ZFPM2: variants seen among roughly 807,000 people sequenced by gnomAD.
ZFPM2 encodes the protein zinc finger protein, FOG family member 2.
Under a neutral mutation model 98.6 loss-of-function variants are expected in ZFPM2, and 20 were observed. The ratio of observed to expected loss-of-function variants is 0.20; its 90% CI spans 0.14 to 0.29. The LOEUF is 0.29. ZFPM2 is among the 10% of genes least tolerant of loss of function. The pLI, the probability that ZFPM2 is intolerant of heterozygous loss-of-function variation, is 1.00. For missense variants in ZFPM2, 1,310 were observed against 1,388.6 expected (o/e 0.94, Z 0.90); for synonymous variants, 518 against 502.7 (o/e 1.03, Z -0.41).
intron 3 of ZFPM2, among the ~76,000 whole-genome samples, chr8:105,508,948 GT>G (rs1813758920): frequency 6.6e-6 from 1 of 151,978 alleles, no homozygotes; most frequent in Admixed American, 6.5e-5. Context: ...GCAGAAAAGA[GT>G]TTGTGAAGTG....
chr8:105,545,841 AT>A (rs951335495), intron 3 of ZFPM2, among the ~76,000 whole-genome samples: 2 of 151,518 alleles, frequency 1.3e-5, no homozygotes, highest in African/African-American at 2.4e-5. Context: ...TTGTGCAAGT[AT>A]TTTTTTTTAC....
At chr8:105,597,869 G>A (rs917616799) in intron 4 of ZFPM2, among the ~76,000 whole-genome samples, 1 of 151,870 alleles carries the variant, frequency 6.6e-6, no homozygotes, top group Non-Finnish European at 1.5e-5. Flanking sequence ...ACATTATATA[G>A]GACTATTAAT....
chr8:105,729,023 G>A (rs1254351299), intron 5 of ZFPM2, among the ~76,000 whole-genome samples: 1 of 151,586 alleles, frequency 6.6e-6, no homozygotes, highest in Non-Finnish European at 1.5e-5. Context: ...TATTAAGATG[G>A]TTTTCAGGAG....
intron 5 of ZFPM2, among the ~76,000 whole-genome samples, chr8:105,655,541 A>G (rs1586177371): frequency 6.6e-6 from 1 of 152,130 alleles, no homozygotes. Flanking sequence ...TGTTGCATGG[A>G]GTCTTAACAT....
At chr8:105,723,715 A>T (rs1325970573) in intron 5 of ZFPM2, among the ~76,000 whole-genome samples, 1 of 151,836 alleles carries the variant, frequency 6.6e-6, no homozygotes, top group East Asian at 2.0e-4. Flanking sequence ...TTTATAGATA[A>T]GGGCAGTCGT....
At chr8:105,596,717 T>C (rs1324368524) in intron 4 of ZFPM2, among the ~76,000 whole-genome samples, 1 of 149,908 alleles carries the variant, frequency 6.7e-6, no homozygotes, top group Non-Finnish European at 1.5e-5. Context: ...AGGAGGTCTC[T>C]GGGTAAGGCT....
chr8:105,710,099 T>TG (rs1811347240), intron 5 of ZFPM2, among the ~76,000 whole-genome samples: 4 of 152,204 alleles, frequency 2.6e-5, no homozygotes, highest in Admixed American at 2.6e-4. Context: ...ATCCTTTTTT[T>TG]TTTTTCATGA....
At chr8:105,479,687 C>G (rs772254140) in intron 3 of ZFPM2, among the ~76,000 whole-genome samples, 16 of 152,084 alleles carry the variant, frequency 1.1e-4, no homozygotes, top group Admixed American at 7.9e-4. Flanking sequence ...TGGCTTGTTA[C>G]TGGAAGTGAA....
intron 5 of ZFPM2, among the ~76,000 whole-genome samples, chr8:105,716,617 C>T (rs1395947802): frequency 6.6e-6 from 1 of 151,928 alleles, no homozygotes; most frequent in Non-Finnish European, 1.5e-5. Context: ...AGACCATGTG[C>T]TCTTATTATC....
At chr8:105,509,118 A>G (rs1199853011) in intron 3 of ZFPM2, among the ~76,000 whole-genome samples, 1 of 152,212 alleles carries the variant, frequency 6.6e-6, no homozygotes, top group Non-Finnish European at 1.5e-5. Context: ...AGGAGACTTT[A>G]TAAATATGTA....
intron 5 of ZFPM2, among the ~76,000 whole-genome samples, chr8:105,751,530 C>T (rs1243933051): frequency 1.3e-5 from 2 of 152,034 alleles, no homozygotes; most frequent in Admixed American, 1.3e-4. Context: ...GGAACACATA[C>T]TGTGGAGTCA....
rs1458419671 is a variant in ZFPM2, at chr8:105,512,162, C to T, written c.302-49201C>T. Among the ~76,000 whole-genome samples, 4 of 152,214 alleles carry T rather than the reference C, an allele frequency of 2.6e-5. No homozygotes were observed. The East Asian group carries it at 5.8e-4, about 22-fold the overall frequency. The stretch of plus-strand genomic sequence containing the variant: ...TCTGTCTCAAGAAAAGAAGGCACAA[C>T]AAATGTATATTCTTGAAATGAGCTG... On this transcript the variant is annotated intron_variant, in intron 3 of 7. Transcript: ENST00000407775.
In ZFPM2 at chr8:105,802,716, G is replaced by A. The variant is rs1195696764; in HGVS notation, c.2634G>A (p.Pro878=). The A allele has an allele frequency of 7.4e-6, 12 of 1,612,610 alleles. No individual in the cohort carries two copies. Among genetic ancestry groups the A allele is most frequent in the East Asian group, 2.2e-5 (1 of 44,794 alleles). Reference sequence around the variant, plus strand: ...TGGCCCACAAGCAGAATTTCTGCCCGGTTACTGCACATCAGCGTAATGACC... The same window carrying A: ...TGGCCCACAAGCAGAATTTCTGCCCAGTTACTGCACATCAGCGTAATGACC... ...NYLAHKQNFC[P]VTAHQRNDLG... is the part of the protein sequence containing the mutation. The change falls in exon 8 of 8, where the codon CCG becomes CCA. Residue 878 remains proline (P), a synonymous_variant. Coordinates refer to ENST00000407775, the MANE Select transcript of ZFPM2 (RefSeq NM_012082.4).
intron 5 of ZFPM2, among the ~76,000 whole-genome samples, chr8:105,781,372 T>TAGTA (rs1221553460): frequency 2.6e-5 from 4 of 152,192 alleles, no homozygotes; most frequent in Non-Finnish European, 5.9e-5. Context: ...GCCTGGCACA[T>TAGTA]AGTAAGTGCT....
At chr8:105,347,638 A>G (rs1812563503) in intron 1 of ZFPM2, among the ~76,000 whole-genome samples, 1 of 152,160 alleles carries the variant, frequency 6.6e-6, no homozygotes. Flanking sequence ...GGCATGTGAC[A>G]TACCTTTACT....
Position 105,605,363 on chromosome 8 carries a change from A to G in ZFPM2, c.421-28883A>G, listed in dbSNP as rs553690471. On this transcript the variant is annotated intron_variant, in intron 4 of 7. Transcript: ENST00000407775. Reference sequence around the variant, plus strand: ...GTAATACACATTTACATTATGCAATATTTGAAATAGAATGGAATTTAATTA... The same window carrying G: ...GTAATACACATTTACATTATGCAATGTTTGAAATAGAATGGAATTTAATTA... 3.0e-4 allele frequency among the ~76,000 whole-genome samples: 46 copies of G among 152,230 alleles called. No homozygotes were observed. The East Asian group carries it at 6.2e-3, about 20-fold the overall frequency.
At chr8:105,558,537 T>C (rs1815052150) in intron 3 of ZFPM2, among the ~76,000 whole-genome samples, 1 of 152,186 alleles carries the variant, frequency 6.6e-6, no homozygotes, top group African/African-American at 2.4e-5. Context: ...TCAGAAACTT[T>C]GGAGACATTT....
At chr8:105,649,131 T>C (rs1817116085) in intron 5 of ZFPM2, among the ~76,000 whole-genome samples, 1 of 152,226 alleles carries the variant, frequency 6.6e-6, no homozygotes, top group Non-Finnish European at 1.5e-5. Flanking sequence ...TTTTGTTCTC[T>C]TTGAAGCAAT....
chr8:105,555,434 C>G (rs1227823409), intron 3 of ZFPM2, among the ~76,000 whole-genome samples: 2 of 151,932 alleles, frequency 1.3e-5, no homozygotes, highest in Admixed American at 6.6e-5. Flanking sequence ...AAAGAGCAGA[C>G]ACATATTAAG....
Sources: allele counts gnomAD v4.1 joint callset (sites outside exome capture counted in the v4.1 genomes callset), GRCh38; gene constraint gnomAD v4.1.1; transcripts MANE v1.5; gene names NCBI Gene and HGNC (gene_info 2026-07-23, HGNC 2026-07-21).